The following DDX1 variants were observed in gnomAD, a reference collection of about 807,000 sequenced individuals.
DDX1 encodes DEAD-box helicase 1, also known as ATP-dependent RNA helicase DDX1.
In DDX1, 28 loss-of-function variants were observed where a neutral mutation model predicts 108.7. That is an observed-to-expected ratio of 0.26 (90% CI 0.19 to 0.35). The LOEUF (loss-of-function observed/expected upper bound fraction) is 0.35. Ranked by LOEUF, DDX1 falls within the 10% of genes least tolerant of loss-of-function variation. The pLI is 1.00. For missense variants in DDX1, 710 were observed against 884.5 expected, an observed-to-expected ratio of 0.80 and a Z score of 2.50; for synonymous variants, 295 against 288.9, an observed-to-expected ratio of 1.02 and a Z score of -0.21.
intron 13 of DDX1, among the ~76,000 whole-genome samples, chr2:15,610,866 TTTTTTTTA>T (rs950877305): frequency 1.3e-5 from 2 of 151,954 alleles, no homozygotes; most frequent in African/African-American, 4.8e-5. Context: ...AGACTTGTTT[TTTTTTTTA>T]TTTTTTATTT....
chr2:15,593,522 A>G (rs376494701), intron 1 of DDX1, among the ~76,000 whole-genome samples: 3 of 152,380 alleles, frequency 2.0e-5, no homozygotes, highest in South Asian at 4.1e-4. Flanking sequence ...TGCAGGGAAC[A>G]TGACCAGAAT....
intron 6 of DDX1, among the ~76,000 whole-genome samples, chr2:15,602,192 T>C (rs758763828): frequency 1.9e-4 from 29 of 152,222 alleles, no homozygotes; most frequent in Middle Eastern, 3.2e-3. Context: ...AGAATAGTTA[T>C]CTAAACACAT....
At chr2:15,613,059 G>C (rs887196655) in intron 13 of DDX1, among the ~76,000 whole-genome samples, 165 bp from the exon 14 acceptor site, 2 of 152,054 alleles carry the variant, frequency 1.3e-5, no homozygotes, top group African/African-American at 2.4e-5. Context: ...AGAGGGCAGC[G>C]TGTAACCTTT....
intron 23 of DDX1, among the ~76,000 whole-genome samples, chr2:15,629,068 T>C (rs1666148471): frequency 6.6e-6 from 1 of 152,190 alleles, no homozygotes; most frequent in Non-Finnish European, 1.5e-5. Context: ...TTTATTGTAC[T>C]CATTTCCACC....
Position 15,631,017 on chromosome 2 carries a change from T to C in DDX1, c.*111T>C, listed in dbSNP as rs1666186565. 7.4e-6 allele frequency: 7 copies of C among 946,184 alleles called. No homozygotes were observed. The Admixed American group carries it at 2.0e-4, about 27-fold the overall frequency. The allele number at this position is 946,184 out of a possible 1,614,324, so 58.6% of individuals were successfully genotyped here. Reference sequence around the variant, plus strand: ...TATTTATAGTAACGTAAGCTATTAATGCTAACTCTTGCATGTCAAGAAACA... The same window carrying C: ...TATTTATAGTAACGTAAGCTATTAACGCTAACTCTTGCATGTCAAGAAACA... On this transcript the variant is annotated 3_prime_UTR_variant, in exon 26 of 26. Transcript: ENST00000233084.
At chr2:15,612,638 T>C (rs1220265339) in intron 13 of DDX1, among the ~76,000 whole-genome samples, 2 of 151,744 alleles carry the variant, frequency 1.3e-5, no homozygotes, top group Non-Finnish European at 2.9e-5. Flanking sequence ...CTCGGCACTT[T>C]GGGAGGCCAA....
intron 20 of DDX1, 172 bp downstream of exon 20, chr2:15,627,317 A>G: frequency 2.1e-6 from 1 of 474,794 alleles, no homozygotes; most frequent in Non-Finnish European, 3.7e-6. Flanking sequence ...GTTGACACTC[A>G]AATGGTAAAT....
intron 13 of DDX1, among the ~76,000 whole-genome samples, chr2:15,612,770 C>T (rs1046032998): frequency 1.3e-5 from 2 of 152,210 alleles, no homozygotes; most frequent in African/African-American, 4.8e-5. Flanking sequence ...CTCGGGAGGC[C>T]GAGGCTGGCG....
intron 17 of DDX1, 48 bp from the exon 18 acceptor site, chr2:15,621,017 A>G: frequency 8.4e-7 from 1 of 1,190,332 alleles, no homozygotes; most frequent in South Asian, 1.3e-5. Flanking sequence ...ATTCTGAATC[A>G]TTATTTAACC....
intron 6 of DDX1, among the ~76,000 whole-genome samples, chr2:15,601,403 T>C (rs1189299933): frequency 6.6e-6 from 1 of 152,230 alleles, no homozygotes; most frequent in African/African-American, 2.4e-5. Context: ...CCCCCACATC[T>C]GATGCCCAGG....
At position 15,596,765 on chromosome 2, in the gene DDX1, TAAGTAA is replaced by T; in HGVS notation, c.162+3_162+8del. The T allele has an allele frequency of 6.2e-7, 1 of 1,607,338 alleles. No individual in the cohort carries two copies. The highest frequency in any genetic ancestry group is 8.5e-7 in the Non-Finnish European group (1 of 1,174,982). On this transcript the variant is annotated splice_donor_5th_base_variant and intron_variant, in intron 4 of 25. Coordinates refer to ENST00000233084, the MANE Select transcript of DDX1 (RefSeq NM_004939.3). ...GAAACAGGAAGTGGCAAAACTGGTG[TAAGTAA>T]TAAATTATATTTACTTTCTCTCTAA...
chr2:15,611,896 C>T lies in DDX1; in HGVS notation c.957-1328C>T, dbSNP rs1445553974. ...GGCGCCCCTCACCTCCCGGACGGGGCGGCTGGCCGGGCGGGGAGCTGACCC... is the reference window on the plus strand; with the variant it reads ...GGCGCCCCTCACCTCCCGGACGGGGTGGCTGGCCGGGCGGGGAGCTGACCC... On this transcript the variant is annotated intron_variant, in intron 13 of 25. Transcript: ENST00000233084. Among the ~76,000 whole-genome samples the T allele has an allele frequency of 9.2e-5, 4 of 43,646 alleles. No individual in the cohort carries two copies. In the East Asian group the frequency reaches 8.9e-3, roughly 97 times the overall value. 28.6% of individuals were successfully genotyped at this position (43,646 alleles called of 152,430 possible). A position where few individuals can be genotyped will look rare whatever the true frequency, so the allele number is the denominator to read the frequency against.
At chr2:15,601,677 T>A (rs1484446216) in intron 6 of DDX1, among the ~76,000 whole-genome samples, 2 of 152,156 alleles carry the variant, frequency 1.3e-5, no homozygotes, top group Non-Finnish European at 2.9e-5. Context: ...CTAGATAACT[T>A]TTTAAAAGTT....
At chr2:15,609,638 T>G (rs1193134228) in intron 13 of DDX1, among the ~76,000 whole-genome samples, 1 of 152,256 alleles carries the variant, frequency 6.6e-6, no homozygotes, top group Admixed American at 6.5e-5. Context: ...AACCCTACAG[T>G]GCTTTGCGTA....
intron 4 of DDX1, 31 bp from the exon 5 acceptor site, chr2:15,597,344 C>T (rs1418422243): frequency 7.3e-7 from 1 of 1,362,790 alleles, no homozygotes; most frequent in South Asian, 1.3e-5. Flanking sequence ...TATGTGAATA[C>T]TAATATAGAT....
intron 6 of DDX1, among the ~76,000 whole-genome samples, chr2:15,600,740 C>CTTTTTTT (rs1157559293): frequency 1.6e-4 from 12 of 73,540 alleles, no homozygotes; most frequent in Non-Finnish European, 1.9e-4. Flanking sequence ...TTTGCATTTT[C>CTTTTTTT]TTTTTTTTTT....
chr2:15,623,344 T>G, intron 18 of DDX1, 92 bp from the exon 19 acceptor site: 1 of 1,207,188 alleles, frequency 8.3e-7, no homozygotes, highest in Non-Finnish European at 1.2e-6. Context: ...TTTAGGAAAA[T>G]TAAGCAGTCA....
chr2:15,617,487 A>G (rs1665920000), intron 15 of DDX1, 145 bp downstream of exon 15: 1 of 409,874 alleles, frequency 2.4e-6, no homozygotes, highest in South Asian at 8.7e-5. Flanking sequence ...ATTTTCATAT[A>G]CTTTTTATTT....
intron 1 of DDX1, among the ~76,000 whole-genome samples, chr2:15,592,338 C>T (rs1166301438): frequency 6.6e-6 from 1 of 152,208 alleles, no homozygotes; most frequent in Non-Finnish European, 1.5e-5. Flanking sequence ...CGCGGCTCAT[C>T]TGGGCTTGGC....
Sources: gnomAD v4.1 joint callset for allele counts (sites outside exome capture counted in the v4.1 genomes callset) on GRCh38, gnomAD v4.1.1 for gene constraint, MANE v1.5 for transcripts, NCBI Gene and HGNC (gene_info 2026-07-23, HGNC 2026-07-21) for gene names.